KHDRBS2: variants seen among roughly 807,000 people sequenced by gnomAD.
KHDRBS2 encodes the protein KH RNA binding domain containing, signal transduction associated 2.
A neutral mutation model predicts 44.3 loss-of-function variants in KHDRBS2; 26 were observed. The observed-to-expected ratio is 0.59, with a 90% CI of 0.43 to 0.81. KHDRBS2 has a LOEUF of 0.81. Among genes scored for constraint, KHDRBS2 ranks in the 40% least tolerant of loss-of-function variants. The probability of loss-of-function intolerance (pLI) is 0.00; values close to 1 mark genes in which losing one functional copy is unlikely to be tolerated. For synonymous variants in KHDRBS2, 194 were observed against 151.1 expected (o/e 1.28, Z -2.08); for missense variants, 476 against 433.1 (o/e 1.10, Z -0.88).
At chr6:61,637,303 G>A in the KHDRBS2 span, among the ~76,000 whole-genome samples, 312 of 151,914 alleles carry the variant, frequency 2.1e-3, 2 homozygotes, top group African/African-American at 7.0e-3. Flanking sequence ...TTGTTCTTGC[G>A]ATAGTTTGCT....
At chr6:61,706,623 A>G (rs1357998876) in intron 7 of KHDRBS2, among the ~76,000 whole-genome samples, 1 of 151,820 alleles carries the variant, frequency 6.6e-6, no homozygotes, top group Non-Finnish European at 1.5e-5. Flanking sequence ...TGATCACATA[A>G]AAATCATTAC....
the KHDRBS2 span, among the ~76,000 whole-genome samples, chr6:61,599,671 C>T: frequency 2.6e-5 from 4 of 152,150 alleles, no homozygotes; most frequent in African/African-American, 9.7e-5. Flanking sequence ...ATTAGCCAGG[C>T]AACAAGGGTT....
chr6:62,055,074 A>T (rs1216867278), intron 2 of KHDRBS2, among the ~76,000 whole-genome samples: 1 of 152,044 alleles, frequency 6.6e-6, no homozygotes, highest in Non-Finnish European at 1.5e-5. Context: ...AATATTTTTA[A>T]AATGATGAAA....
intron 4 of KHDRBS2, among the ~76,000 whole-genome samples, chr6:61,959,526 A>G (rs942736398): frequency 6.6e-6 from 1 of 152,142 alleles, no homozygotes. Flanking sequence ...CGATAGAAAC[A>G]ATTTCTGCAG....
chr6:62,136,444 G>A (rs75465119), intron 2 of KHDRBS2, among the ~76,000 whole-genome samples: 11,412 of 152,120 alleles, frequency 0.075, 463 homozygotes, highest in African/African-American at 0.087. Context: ...TGAAAAATGC[G>A]TTATAGCTAA....
chr6:61,696,570 A>G lies in KHDRBS2; in HGVS notation c.952+625T>C, dbSNP rs528635344. Among the ~76,000 whole-genome samples, 9 of 152,144 alleles carry G rather than the reference A, an allele frequency of 5.9e-5. No individual in the cohort carries two copies. The South Asian group carries it at 1.0e-3, about 18-fold the overall frequency. On this transcript the variant is annotated intron_variant, in intron 8 of 8. Coordinates refer to ENST00000281156, the MANE Select transcript of KHDRBS2 (RefSeq NM_152688.4). ...CCACGCCCGGCCACATATGTATTTT[A>G]AAGAATCGCAAACTATGTCTCAAAC...
At chr6:62,003,833 A>G (rs1778716073) in intron 3 of KHDRBS2, among the ~76,000 whole-genome samples, 1 of 152,184 alleles carries the variant, frequency 6.6e-6, no homozygotes, top group Non-Finnish European at 1.5e-5. Context: ...ACCACAGTGC[A>G]ATCAAATTAG....
chr6:62,270,409 AG>A (rs1258482738), intron 1 of KHDRBS2, among the ~76,000 whole-genome samples: 1 of 145,256 alleles, frequency 6.9e-6, no homozygotes, highest in African/African-American at 2.5e-5. Context: ...AAGCTTCCTG[AG>A]GTCCTCACCA....
the KHDRBS2 span, among the ~76,000 whole-genome samples, chr6:61,646,040 C>A: frequency 2.6e-5 from 4 of 152,088 alleles, no homozygotes; most frequent in Non-Finnish European, 5.9e-5. Flanking sequence ...GAGTCTCAGT[C>A]CTTTTATTTG....
At chr6:62,068,714 G>T (rs1205095739) in intron 2 of KHDRBS2, among the ~76,000 whole-genome samples, 1 of 151,470 alleles carries the variant, frequency 6.6e-6, no homozygotes, top group African/African-American at 2.4e-5. Context: ...CTTTACATGT[G>T]ACTAACCAGT....
At chr6:61,594,278 A>G in the KHDRBS2 span, among the ~76,000 whole-genome samples, 6 of 152,086 alleles carry the variant, frequency 3.9e-5, no homozygotes, top group African/African-American at 1.4e-4. Flanking sequence ...TCAATTATTC[A>G]TCAGTTCAGT....
chr6:61,616,556 A>C, the KHDRBS2 span, among the ~76,000 whole-genome samples: 1 of 148,422 alleles, frequency 6.7e-6, no homozygotes, highest in Non-Finnish European at 1.5e-5. Flanking sequence ...ATATTTGTAG[A>C]TGATCAAGTG....
the KHDRBS2 span, among the ~76,000 whole-genome samples, chr6:61,659,949 A>G: frequency 6.6e-6 from 1 of 151,858 alleles, no homozygotes; most frequent in East Asian, 1.9e-4. Context: ...TGAAGAATTC[A>G]TTATACATGA....
At chr6:62,018,648 T>C (rs1024410204) in intron 3 of KHDRBS2, among the ~76,000 whole-genome samples, 1 of 151,966 alleles carries the variant, frequency 6.6e-6, no homozygotes, top group Non-Finnish European at 1.5e-5. Flanking sequence ...CCCGGCCCAA[T>C]ATTACTAAAA....
chr6:62,161,443 T>G (rs555334709), intron 2 of KHDRBS2, among the ~76,000 whole-genome samples: 2 of 151,644 alleles, frequency 1.3e-5, no homozygotes, highest in East Asian at 3.9e-4. Context: ...TTATAAATTA[T>G]ATACATGGGA....
At chr6:62,085,001 T>C (rs1326115455) in intron 2 of KHDRBS2, among the ~76,000 whole-genome samples, 2 of 152,108 alleles carry the variant, frequency 1.3e-5, no homozygotes, top group African/African-American at 4.8e-5. Flanking sequence ...CAGGCAAAAC[T>C]GAAACATCTA....
chr6:61,764,513 A>G (rs1779712715), intron 6 of KHDRBS2, among the ~76,000 whole-genome samples: 1 of 152,060 alleles, frequency 6.6e-6, no homozygotes, highest in Admixed American at 6.6e-5. Context: ...AAGCATTCCT[A>G]TTTATCCACA....
intron 4 of KHDRBS2, among the ~76,000 whole-genome samples, chr6:61,934,930 T>C (rs1810757795): frequency 6.6e-6 from 1 of 152,322 alleles, no homozygotes; most frequent in Admixed American, 6.5e-5. Flanking sequence ...AGCTTCATCA[T>C]TGCTACTAAG....
chr6:62,063,294 T>G (rs866291022), intron 2 of KHDRBS2, among the ~76,000 whole-genome samples: 1 of 150,144 alleles, frequency 6.7e-6, no homozygotes, highest in African/African-American at 2.4e-5. Context: ...CCAGCATCAT[T>G]CTGATACCAA....
Sources: gnomAD v4.1 joint callset for allele counts (sites outside exome capture counted in the v4.1 genomes callset) on GRCh38, gnomAD v4.1.1 for gene constraint, MANE v1.5 for transcripts, NCBI Gene and HGNC (gene_info 2026-07-23, HGNC 2026-07-21) for gene names.